Variants in TGFBI observed in about 807,000 individuals in gnomAD.
TGFBI encodes the protein transforming growth factor-beta-induced protein ig-h3.
Under a neutral mutation model 73.7 loss-of-function variants are expected in TGFBI, and 50 were observed. That is an observed-to-expected ratio of 0.68 (90% confidence interval 0.54 to 0.86). The LOEUF is 0.86. TGFBI is among the 40% of genes least tolerant of loss of function. The pLI, the probability that TGFBI is intolerant of heterozygous loss-of-function variation, is 0.00. For missense variants in TGFBI, 839 were observed against 877.0 expected (o/e 0.96, Z 0.55); for synonymous variants, 362 against 360.5 (o/e 1.00, Z -0.05).
chr5:136,054,052 C>T lies in TGFBI; in HGVS notation c.1236C>T (p.Leu412=). The T allele has an allele frequency of 6.2e-7, 1 of 1,613,958 alleles. No individual in the cohort carries two copies. Among genetic ancestry groups the T allele is most frequent in the Non-Finnish European group, 8.5e-7 (1 of 1,179,862 alleles). The change falls in exon 9 of 17, where the codon CTC becomes CTT. Residue 412 remains leucine (L), a synonymous_variant. Coordinates refer to ENST00000442011, the MANE Select transcript of TGFBI (RefSeq NM_000358.3). ...NHLSGSERLT[L]LAPLNSVFKD... is the part of the protein sequence containing the mutation. ...TCTCTGGAAGTGAGCGGTTGACCCT[C>T]CTGGCTCCCCTGAATTCTGTATTCA...
intron 13 of TGFBI, among the ~76,000 whole-genome samples, chr5:136,059,666 T>C (rs1751713452): frequency 6.6e-6 from 1 of 152,166 alleles, no homozygotes; most frequent in East Asian, 1.9e-4. Context: ...ATTGATGATA[T>C]AACTTTGTAA....
chr5:136,056,201 C>G (rs1220986001), intron 11 of TGFBI, among the ~76,000 whole-genome samples: 1 of 152,168 alleles, frequency 6.6e-6, no homozygotes, highest in Non-Finnish European at 1.5e-5. Flanking sequence ...ACTGAAGCAC[C>G]CTTGTGAGTT....
In TGFBI at chr5:136,063,681, T is replaced by TACG; in HGVS notation, c.*455_*456insACG. 6.1e-6 allele frequency: 1 copy of TACG among 163,622 alleles called. No homozygotes were observed. Among genetic ancestry groups the TACG allele is most frequent in the South Asian group, 1.8e-4 (1 of 5,588 alleles). The allele number at this position is 163,622 out of a possible 1,614,324, so 10.1% of individuals were successfully genotyped here. A position where few individuals can be genotyped will look rare whatever the true frequency, so the allele number is the denominator to read the frequency against. ...CTATGAGTTGAAATGTTCTGTCAAA[T>TACG]GTGTCTCACATCTACACGTGGCTTG... On this transcript the variant is annotated 3_prime_UTR_variant, in exon 17 of 17. Coordinates refer to ENST00000442011, the MANE Select transcript of TGFBI (RefSeq NM_000358.3).
chr5:136,055,733 C>T lies in TGFBI; in HGVS notation c.1464C>T (p.Tyr488=), dbSNP rs372556093. ...CGGCCCACGACAAGAGGGGGAGGTA[C>T]GGGACCCTGTTCACGATGGACCGGG... The part of the protein sequence containing the change: ...CIAAHDKRGR[Y]GTLFTMDRVL... Residue 488 remains tyrosine, a synonymous_variant, in exon 11 of 17, where the codon TAC becomes TAT. Transcript: ENST00000442011. 9.7e-5 allele frequency: 156 copies of T among 1,612,228 alleles called. No homozygotes were observed. Among genetic ancestry groups the T allele is most frequent in the Non-Finnish European group, 1.2e-4 (144 of 1,178,748 alleles).
intron 2 of TGFBI, among the ~76,000 whole-genome samples, chr5:136,042,385 T>A (rs1345356413): frequency 1.3e-5 from 2 of 152,228 alleles, no homozygotes; most frequent in Non-Finnish European, 2.9e-5. Context: ...AAATGGACTT[T>A]CAAGTTCACC....
In TGFBI at chr5:136,029,088, C is replaced by T; in HGVS notation, c.33C>T (p.Ala11=). The T allele has an allele frequency of 6.5e-7, 1 of 1,527,814 alleles. No individual in the cohort carries two copies. Among genetic ancestry groups the T allele is most frequent in the South Asian group, 1.2e-5 (1 of 83,272 alleles). 94.6% of individuals were successfully genotyped at this position (1,527,814 alleles called of 1,614,324 possible). MALFVRLLAL[A]LALALGPAAT... Reference sequence around the variant, plus strand: ...TCTTCGTGCGGCTGCTGGCTCTCGCCCTGGCTCTGGCCCTGGGCCCCGCCG... The same window carrying T: ...TCTTCGTGCGGCTGCTGGCTCTCGCTCTGGCTCTGGCCCTGGGCCCCGCCG... Residue 11 remains alanine (A), a synonymous_variant, in exon 1 of 17, where the codon GCC becomes GCT. Coordinates refer to ENST00000442011, the MANE Select transcript of TGFBI (RefSeq NM_000358.3).
chr5:136,029,305 A>C, intron 1 of TGFBI, 116 bp downstream of exon 1: 2 of 1,236,496 alleles, frequency 1.6e-6, no homozygotes, highest in Non-Finnish European at 2.1e-6. Context: ...CCCGAACTAA[A>C]AACCTTGCAG....
intron 2 of TGFBI, among the ~76,000 whole-genome samples, chr5:136,034,230 G>A (rs1337499853): frequency 6.6e-6 from 1 of 152,052 alleles, no homozygotes; most frequent in African/African-American, 2.4e-5. Context: ...TGGTGAATCT[G>A]TACTAAAGAA....
intron 2 of TGFBI, among the ~76,000 whole-genome samples, chr5:136,042,118 C>A (rs1328732096): frequency 6.6e-6 from 1 of 152,184 alleles, no homozygotes; most frequent in Admixed American, 6.5e-5. Context: ...ACATCACAGC[C>A]CCAGTAATAC....
chr5:136,059,210 G>C lies in TGFBI; in HGVS notation c.1799G>C (p.Ser600Thr), dbSNP rs1751703832. Residue 600 changes from serine to threonine, a missense_variant, in exon 13 of 17, where the codon AGC becomes ACC. Physicochemically the swap from Ser to Thr is moderately conservative, Grantham distance 58. Coordinates refer to ENST00000442011, the MANE Select transcript of TGFBI (RefSeq NM_000358.3). ...CTCCAAGGTGACAAGCTGGAAGTCAGCTTGGTAAGTGTCCTGCAAATCAAA... is the reference window on the plus strand; with the variant it reads ...CTCCAAGGTGACAAGCTGGAAGTCACCTTGGTAAGTGTCCTGCAAATCAAA... Reference protein sequence around the residue: ...KSLQGDKLEVSLKNNVVSVNK... With the variant: ...KSLQGDKLEVTLKNNVVSVNK... 1 of 1,609,600 alleles carries C rather than the reference G, an allele frequency of 6.2e-7. No homozygotes were observed.
chr5:136,063,079 A>T, intron 16 of TGFBI, 107 bp from the exon 17 acceptor site: 1 of 981,528 alleles, frequency 1.0e-6, no homozygotes, highest in Admixed American at 1.9e-5. Flanking sequence ...GCAGGAGAGC[A>T]TGGCAGAAGG....
At chr5:136,052,770 G>A (rs1018652171) in intron 7 of TGFBI, 137 bp from the exon 8 acceptor site, 19 of 818,080 alleles carry the variant, frequency 2.3e-5, no homozygotes, top group Non-Finnish European at 1.9e-6. Context: ...GAGGATCTGG[G>A]CCCTGTGGTG....
intron 8 of TGFBI, 56 bp downstream of exon 8, chr5:136,053,175 TC>T (rs1751568433): frequency 3.9e-6 from 6 of 1,537,064 alleles, no homozygotes; most frequent in Non-Finnish European, 5.4e-6. Flanking sequence ...TCTTCTGCCA[TC>T]CTTTGTGGCG....
chr5:136,047,129 C>T lies in TGFBI; in HGVS notation c.624+114C>T, dbSNP rs1176257595. The T allele has an allele frequency of 4.6e-6, 7 of 1,517,148 alleles. No homozygotes were observed. The Admixed American group carries it at 7.6e-5, about 16-fold the overall frequency. 94.0% of individuals were successfully genotyped at this position (1,517,148 alleles called of 1,614,324 possible). A position where few individuals can be genotyped will look rare whatever the true frequency, so the allele number is the denominator to read the frequency against. On this transcript the variant is annotated intron_variant, in intron 5 of 16. Transcript: ENST00000442011. ...CTGTAGACAACCCACCCTCTTTGTGCCTGCTTCTCCTTGGGCCCTCTATTC... is the reference window on the plus strand; with the variant it reads ...CTGTAGACAACCCACCCTCTTTGTGTCTGCTTCTCCTTGGGCCCTCTATTC...
At position 136,060,852 on chromosome 5, in the gene TGFBI, G is replaced by A. The variant is rs762908437; in HGVS notation, c.1822G>A (p.Val608Ile). The A allele has an allele frequency of 6.2e-7, 1 of 1,601,836 alleles. No individual in the cohort carries two copies. Among genetic ancestry groups the A allele is most frequent in the Non-Finnish European group, 8.5e-7 (1 of 1,171,358 alleles). The change falls in exon 14 of 17, where the codon GTC becomes ATC. Residue 608 changes from valine to isoleucine, a missense_variant. Transcript: ENST00000442011. ...CTTTTAGAAAAACAATGTGGTGAGT[G>A]TCAACAAGGAGCCTGTTGCCGAGCC... Reference protein sequence around the residue: ...EVSLKNNVVSVNKEPVAEPDI... With the variant: ...EVSLKNNVVSINKEPVAEPDI...
chr5:136,047,167 A>C, intron 5 of TGFBI, 107 bp from the exon 6 acceptor site: 1 of 1,547,178 alleles, frequency 6.5e-7, no homozygotes, highest in South Asian at 1.2e-5. Flanking sequence ...CAGCTTGTGG[A>C]ACCCACATTT....
At chr5:136,044,270 C>A (rs962419828) in intron 3 of TGFBI, 148 bp downstream of exon 3, 3 of 709,626 alleles carry the variant, frequency 4.2e-6, no homozygotes, top group Admixed American at 5.2e-5. Flanking sequence ...TGGCCCCAGG[C>A]TCTATGCGAG....
intron 1 of TGFBI, among the ~76,000 whole-genome samples, 161 bp from the exon 2 acceptor site, chr5:136,033,602 C>A (rs772359708): frequency 6.6e-6 from 1 of 152,130 alleles, no homozygotes; most frequent in Non-Finnish European, 1.5e-5. Context: ...GTAAACAGAA[C>A]CAAAGTCTAA....
Position 136,063,373 on chromosome 5 carries a change from A to G in TGFBI, c.*147A>G. 1 of 717,608 alleles carries G rather than the reference A, an allele frequency of 1.4e-6. No individual in the cohort carries two copies. Among genetic ancestry groups the G allele is most frequent in the Non-Finnish European group, 2.4e-6 (1 of 414,304 alleles). The allele number at this position is 717,608 out of a possible 1,614,324, so 44.5% of individuals were successfully genotyped here. The stretch of plus-strand genomic sequence containing the variant: ...CCATAATGAGATGTGAGCCTTGTGC[A>G]TGTGGGGGAGGAGGGAGAGAGATGT... On this transcript the variant is annotated 3_prime_UTR_variant, in exon 17 of 17. Coordinates refer to ENST00000442011, the MANE Select transcript of TGFBI (RefSeq NM_000358.3).
Sources: gnomAD v4.1 joint callset for allele counts (sites outside exome capture counted in the v4.1 genomes callset) on GRCh38, gnomAD v4.1.1 for gene constraint, MANE v1.5 for transcripts, NCBI Gene and HGNC (gene_info 2026-07-23, HGNC 2026-07-21) for gene names.